SOX5: variants seen among roughly 807,000 people sequenced by gnomAD.
SOX5 encodes SRY-box transcription factor 5, also known as transcription factor SOX-5.
Under a neutral mutation model 92.0 loss-of-function variants are expected in SOX5, and 9 were observed. The observed-to-expected ratio is 0.10, with a 90% CI of 0.06 to 0.17. The LOEUF (loss-of-function observed/expected upper bound fraction) is 0.17. Ranked by LOEUF, SOX5 falls within the 10% of genes least tolerant of loss-of-function variation. The probability of loss-of-function intolerance (pLI) is 1.00; values close to 1 mark genes in which losing one functional copy is unlikely to be tolerated. For missense variants in SOX5, 642 were observed against 944.5 expected (o/e 0.68, Z 4.20); for synonymous variants, 344 against 336.3 (o/e 1.02, Z -0.25).
intron 6 of SOX5, among the ~76,000 whole-genome samples, chr12:23,673,726 G>A (rs1229245968): frequency 1.5e-5 from 2 of 135,152 alleles, no homozygotes; most frequent in Non-Finnish European, 3.3e-5. Context: ...TTCAACATAA[G>A]TTCTTTGAAA....
At chr12:24,031,414 C>G (rs1955497157) in intron 4 of SOX5, among the ~76,000 whole-genome samples, 1 of 151,334 alleles carries the variant, frequency 6.6e-6, no homozygotes, top group East Asian at 1.9e-4. Flanking sequence ...ATAAATGGAC[C>G]TGGAGGAGCT....
At chr12:23,565,378 G>A (rs1946894825) in intron 10 of SOX5, among the ~76,000 whole-genome samples, 1 of 152,158 alleles carries the variant, frequency 6.6e-6, no homozygotes, top group African/African-American at 2.4e-5. Context: ...AAGAGGATCA[G>A]TCTGATTTTC....
intron 6 of SOX5, among the ~76,000 whole-genome samples, chr12:23,690,132 C>T (rs146320996): frequency 1.6e-3 from 238 of 152,254 alleles, no homozygotes; most frequent in African/African-American, 5.0e-3. Context: ...CTCCAGCAAG[C>T]GGTCCCTGAG....
intron 4 of SOX5, among the ~76,000 whole-genome samples, chr12:24,175,086 T>C (rs1214529063): frequency 1.3e-5 from 2 of 152,214 alleles, no homozygotes; most frequent in African/African-American, 4.8e-5. Flanking sequence ...ACATGGAGCA[T>C]GCAAATATTT....
At chr12:23,672,251 A>C (rs2084912135) in intron 6 of SOX5, among the ~76,000 whole-genome samples, 1 of 152,076 alleles carries the variant, frequency 6.6e-6, no homozygotes, top group Non-Finnish European at 1.5e-5. Context: ...CTCCTAAATG[A>C]AACCTGTCAG....
At chr12:24,043,554 C>T (rs1199491746) in intron 4 of SOX5, among the ~76,000 whole-genome samples, 1 of 152,200 alleles carries the variant, frequency 6.6e-6, no homozygotes, top group Admixed American at 6.5e-5. Context: ...TCCAACAGAA[C>T]TTTCTTACTG....
chr12:23,715,399 T>G (rs538835010), intron 6 of SOX5, among the ~76,000 whole-genome samples: 30 of 152,190 alleles, frequency 2.0e-4, no homozygotes, highest in Non-Finnish European at 3.4e-4. Context: ...TCACACCACC[T>G]TATTAATGAC....
At chr12:23,949,754 CTCTCTCTCTCTG>C (rs1945260636), upstream of SOX5, 5 of 794,692 alleles carry the variant, frequency 6.3e-6, no homozygotes, top group Admixed American at 3.2e-5. Context: ...CTCTCTCTCC[CTCTCTCTCTCTG>C]TCTCTCTCTC....
chr12:24,125,196 T>G (rs767512099), intron 4 of SOX5, among the ~76,000 whole-genome samples: 2 of 152,220 alleles, frequency 1.3e-5, no homozygotes, highest in Non-Finnish European at 2.9e-5. Context: ...AGGAGGAATC[T>G]CAGAGCAATT....
In SOX5 at chr12:23,532,935, C is replaced by A; in HGVS notation, c.*1284G>T. 1 of 161,926 alleles carries A rather than the reference C, an allele frequency of 6.2e-6. No individual in the cohort carries two copies. Among genetic ancestry groups the A allele is most frequent in the African/African-American group, 2.4e-5 (1 of 41,874 alleles). The allele number at this position is 161,926 out of a possible 1,614,324, so 10.0% of individuals were successfully genotyped here. A position where few individuals can be genotyped will look rare whatever the true frequency, so the allele number is the denominator to read the frequency against. The stretch of plus-strand genomic sequence containing the variant: ...ATATCAACAGGAAAAACAAAAATCA[C>A]TAAGTAGCAAACGTTAATGGAACCA... On this transcript the variant is annotated 3_prime_UTR_variant, in exon 15 of 15. Transcript: ENST00000451604.
At chr12:24,254,703 T>C (rs1300241726) in intron 3 of SOX5, among the ~76,000 whole-genome samples, 3 of 111,894 alleles carry the variant, frequency 2.7e-5, no homozygotes, top group Non-Finnish European at 5.5e-5. Context: ...TATTCTTTTT[T>C]CTTTGGGCTG....
intron 1 of SOX5, among the ~76,000 whole-genome samples, chr12:24,395,601 G>A (rs781061253): frequency 1.3e-5 from 2 of 152,160 alleles, no homozygotes; most frequent in Non-Finnish European, 2.9e-5. Flanking sequence ...AAAATTCCCA[G>A]TGGGTGTAAA....
chr12:24,338,440 T>C (rs1952163700), intron 2 of SOX5, among the ~76,000 whole-genome samples: 1 of 152,134 alleles, frequency 6.6e-6, no homozygotes, highest in African/African-American at 2.4e-5. Context: ...AAAAATAAAG[T>C]GAAATGTAGA....
At chr12:23,659,553 T>A (rs1484607653) in intron 7 of SOX5, among the ~76,000 whole-genome samples, 1 of 152,230 alleles carries the variant, frequency 6.6e-6, no homozygotes, top group Non-Finnish European at 1.5e-5. Flanking sequence ...AAATGCAGAA[T>A]GAGGATGTGA....
chr12:23,775,999 T>TA (rs2095086609), intron 3 of SOX5, among the ~76,000 whole-genome samples: 2 of 152,220 alleles, frequency 1.3e-5, no homozygotes, highest in Admixed American at 6.5e-5. Context: ...GAAACTGCTT[T>TA]ACCTCAGATC....
chr12:24,127,777 G>A (rs1399813728), intron 4 of SOX5, among the ~76,000 whole-genome samples: 1 of 152,176 alleles, frequency 6.6e-6, no homozygotes, highest in African/African-American at 2.4e-5. Flanking sequence ...CCCACCTGGG[G>A]AAGGGAAGCC....
chr12:24,216,544 C>T (rs772120114), intron 3 of SOX5, among the ~76,000 whole-genome samples: 8 of 152,110 alleles, frequency 5.3e-5, no homozygotes, highest in Non-Finnish European at 1.0e-4. Flanking sequence ...TCCCCTCCTA[C>T]CTCTGGGGAA....
intron 2 of SOX5, among the ~76,000 whole-genome samples, chr12:24,308,392 GTACTT>G (rs1483308548): frequency 1.3e-5 from 2 of 152,182 alleles, no homozygotes. Context: ...TCTTCCAAGT[GTACTT>G]TACTTTGTTT....
At chr12:24,417,389 A>C (rs2136883580) in intron 1 of SOX5, among the ~76,000 whole-genome samples, 1 of 152,366 alleles carries the variant, frequency 6.6e-6, no homozygotes, top group African/African-American at 2.4e-5. Flanking sequence ...CTGGGCATAT[A>C]GCAAGTGCTT....
Sources: allele counts gnomAD v4.1 joint callset (sites outside exome capture counted in the v4.1 genomes callset), GRCh38; gene constraint gnomAD v4.1.1; transcripts MANE v1.5; gene names NCBI Gene and HGNC (gene_info 2026-07-23, HGNC 2026-07-21).